The following PTK2B variants were observed in gnomAD, a reference collection of about 807,000 sequenced individuals.
PTK2B encodes protein-tyrosine kinase 2-beta.
A neutral mutation model predicts 142.9 loss-of-function variants in PTK2B; 71 were observed. The ratio of observed to expected loss-of-function variants is 0.50; its 90% confidence interval spans 0.41 to 0.61. The LOEUF (loss-of-function observed/expected upper bound fraction) is 0.61. Among genes scored for constraint, PTK2B ranks in the 20% least tolerant of loss-of-function variants. The pLI is 0.00. For synonymous variants in PTK2B, 519 were observed against 503.4 expected (o/e 1.03, Z -0.42); for missense variants, 1,105 against 1,320.4 (o/e 0.84, Z 2.53).
At chr8:27,332,480 G>C (rs575298075) in intron 1 of PTK2B, among the ~76,000 whole-genome samples, 1 of 152,248 alleles carries the variant, frequency 6.6e-6, no homozygotes, top group African/African-American at 2.4e-5. Context: ...GAACCTCTCT[G>C]AGCCTTACTT....
Position 27,440,220 on chromosome 8 carries a change from G to A in PTK2B, c.1835-17G>A, listed in dbSNP as rs374218135. 92 of 1,613,340 alleles carry A rather than the reference G, an allele frequency of 5.7e-5. No homozygotes were observed. The East Asian group carries it at 6.9e-4, about 12-fold the overall frequency. On this transcript the variant is annotated splice_polypyrimidine_tract_variant and intron_variant, in intron 20 of 30. Transcript: ENST00000346049. ...TGGTCTCCCCCACCCAGGGCCTGAC[G>A]CTCCCTTACACCCCAGCCGTGTGCA...
upstream of PTK2B, chr8:27,311,233 C>T: frequency 2.0e-6 from 3 of 1,534,402 alleles, no homozygotes; most frequent in Non-Finnish European, 2.6e-6. Context: ...GACTCCGCTC[C>T]ATGGCACGAG....
At chr8:27,348,763 C>G (rs895687458) in intron 1 of PTK2B, among the ~76,000 whole-genome samples, 1 of 152,044 alleles carries the variant, frequency 6.6e-6, no homozygotes, top group South Asian at 2.1e-4. Context: ...CCGGATCTCT[C>G]TGCTTGCACT....
chr8:27,325,443 G>A (rs1441849498), upstream of PTK2B: 2 of 152,284 alleles, frequency 1.3e-5, no homozygotes, highest in African/African-American at 2.4e-5. Flanking sequence ...GTAAGAGGCT[G>A]GAGCCGGCAC....
chr8:27,311,646 G>T (rs185651358), exon 1 of PTK2B: 268 of 205,722 alleles, frequency 1.3e-3, no homozygotes, highest in African/African-American at 5.4e-3. Context: ...TCAGGCCCGC[G>T]GATGGGAGAA....
intron 1 of PTK2B, among the ~76,000 whole-genome samples, chr8:27,366,382 A>T (rs1480099405): frequency 6.6e-6 from 1 of 152,204 alleles, no homozygotes; most frequent in African/African-American, 2.4e-5. Context: ...TCCTATGTGT[A>T]CAAAGCAATC....
chr8:27,330,800 C>A (rs892763907), intron 1 of PTK2B, among the ~76,000 whole-genome samples: 3 of 152,180 alleles, frequency 2.0e-5, no homozygotes, highest in African/African-American at 7.2e-5. Flanking sequence ...GTTTAATTTT[C>A]AGGAGACCCT....
chr8:27,336,020 G>T (rs967501063), intron 1 of PTK2B, among the ~76,000 whole-genome samples: 1 of 152,130 alleles, frequency 6.6e-6, no homozygotes, highest in Non-Finnish European at 1.5e-5. Context: ...TCTCAGGCTC[G>T]TGAGGTGCTC....
Position 27,359,443 on chromosome 8 carries a change from G to C in PTK2B, c.-38+33762G>C, listed in dbSNP as rs75068477. ...GCAAATATACTTTTTATTGTCTTAAGTTATTCCATTTACTTCAGTTCTTGA... is the reference window on the plus strand; with the variant it reads ...GCAAATATACTTTTTATTGTCTTAACTTATTCCATTTACTTCAGTTCTTGA... On this transcript the variant is annotated intron_variant, in intron 1 of 30. Coordinates refer to ENST00000346049, the MANE Select transcript of PTK2B (RefSeq NM_173176.3). Among the ~76,000 whole-genome samples, 244 of 152,292 alleles carry C rather than the reference G, an allele frequency of 1.6e-3. 8 individuals are homozygous for C. In the East Asian group the frequency reaches 0.044, roughly 27 times the overall value.
At chr8:27,455,378 A>G (rs1303025000) in intron 30 of PTK2B, among the ~76,000 whole-genome samples, 2 of 152,200 alleles carry the variant, frequency 1.3e-5, no homozygotes, top group Non-Finnish European at 1.5e-5. Context: ...AGCCTGGTCA[A>G]CATGGCAAAA....
At chr8:27,310,692 G>T, upstream of PTK2B, 1 of 1,284,436 alleles carries the variant, frequency 7.8e-7, no homozygotes, top group Non-Finnish European at 1.1e-6. Flanking sequence ...CTGGGAGCGA[G>T]ACGCGGGCAC....
Position 27,458,302 on chromosome 8 carries a change from C to T in PTK2B, c.2823C>T (p.Gly941=), listed in dbSNP as rs148410575. ...LPSSSRTEIE[G]TQKLLNKDLA... ...GTGTGATCTTCCTACAGATCGAGGGCACCCAGAAACTGCTCAACAAAGACC... is the reference window on the plus strand; with the variant it reads ...GTGTGATCTTCCTACAGATCGAGGGTACCCAGAAACTGCTCAACAAAGACC... The change falls in exon 31 of 31, where the codon GGC becomes GGT. Residue 941 remains glycine, a synonymous_variant. Coordinates refer to ENST00000346049, the MANE Select transcript of PTK2B (RefSeq NM_173176.3). 69 of 1,613,828 alleles carry T rather than the reference C, an allele frequency of 4.3e-5. No individual in the cohort carries two copies. The Middle Eastern group carries it at 4.9e-4, about 12-fold the overall frequency.
intron 2 of PTK2B, among the ~76,000 whole-genome samples, chr8:27,407,958 T>C (rs550776544): frequency 6.6e-6 from 1 of 152,326 alleles, no homozygotes; most frequent in East Asian, 1.9e-4. Flanking sequence ...CATTCCAACA[T>C]ATATTAGTCT....
intron 28 of PTK2B, 74 bp downstream of exon 28, chr8:27,453,234 A>G (rs926466266): frequency 1.3e-6 from 2 of 1,561,766 alleles, no homozygotes; most frequent in Admixed American, 1.7e-5. Context: ...GGTCTATGAA[A>G]GATTCACAGT....
At chr8:27,425,431 GT>G (rs1430967746) in intron 5 of PTK2B, among the ~76,000 whole-genome samples, 1 of 151,738 alleles carries the variant, frequency 6.6e-6, no homozygotes. Context: ...CCCTTCTTTT[GT>G]TTGTTTATTT....
intron 28 of PTK2B, 55 bp downstream of exon 28, chr8:27,453,215 G>A: frequency 6.3e-7 from 1 of 1,589,798 alleles, no homozygotes; most frequent in South Asian, 1.1e-5. Flanking sequence ...GCACAAAACT[G>A]AAGACCATGG....
intron 1 of PTK2B, among the ~76,000 whole-genome samples, chr8:27,356,753 G>T (rs1805414610): frequency 6.6e-6 from 1 of 152,222 alleles, no homozygotes; most frequent in South Asian, 2.1e-4. Flanking sequence ...ATTGACACGG[G>T]CAACGACCTG....
chr8:27,310,666 G>A (rs1055095374), upstream of PTK2B: 2 of 1,017,642 alleles, frequency 2.0e-6, no homozygotes, highest in African/African-American at 1.6e-5. Context: ...GGGTCGGAGA[G>A]GTGGGGTCCT....
At chr8:27,323,972 T>C (rs1377804738), upstream of PTK2B, among the ~76,000 whole-genome samples, 1 of 152,188 alleles carries the variant, frequency 6.6e-6, no homozygotes, top group Non-Finnish European at 1.5e-5. Context: ...TTGTCTTTGC[T>C]TTTAGTTCCC....
Sources: allele counts gnomAD v4.1 joint callset (sites outside exome capture counted in the v4.1 genomes callset), GRCh38; gene constraint gnomAD v4.1.1; transcripts MANE v1.5; gene names NCBI Gene and HGNC (gene_info 2026-07-23, HGNC 2026-07-21).